PCDH15: variants seen among roughly 807,000 people sequenced by gnomAD.
PCDH15 encodes the protein protocadherin-15.
PCDH15 carries 129 observed loss-of-function variants against 178.5 expected under a neutral mutation model. The observed-to-expected ratio is 0.72, with a 90% CI of 0.63 to 0.84. The LOEUF (loss-of-function observed/expected upper bound fraction) is 0.84. Ranked by LOEUF, PCDH15 falls within the 40% of genes least tolerant of loss-of-function variation. PCDH15 has a pLI of 0.00. For synonymous variants in PCDH15, 800 were observed against 732.0 expected (o/e 1.09, Z -1.50); for missense variants, 2,230 against 2,099.9 (o/e 1.06, Z -1.21).
At chr10:54,759,607 G>A (rs1664853407) in intron 1 of PCDH15, among the ~76,000 whole-genome samples, 1 of 152,108 alleles carries the variant, frequency 6.6e-6, no homozygotes, top group South Asian at 2.1e-4. Flanking sequence ...CAGAATTGGG[G>A]CATTATTTGT....
At chr10:55,029,143 C>T (rs762193133) in intron 2 of PCDH15, among the ~76,000 whole-genome samples, 10 of 151,960 alleles carry the variant, frequency 6.6e-5, no homozygotes, top group Non-Finnish European at 1.5e-4. Context: ...GTTTCTGTAT[C>T]ATCATTCTTA....
chr10:53,815,163 C>T (rs1564519913), intron 35 of PCDH15, among the ~76,000 whole-genome samples: 1 of 152,086 alleles, frequency 6.6e-6, no homozygotes, highest in Non-Finnish European at 1.5e-5. Context: ...GTAGATCAAA[C>T]ACTTAATGTA....
At chr10:53,934,291 T>G (rs1385950568) in intron 25 of PCDH15, among the ~76,000 whole-genome samples, 1 of 152,134 alleles carries the variant, frequency 6.6e-6, no homozygotes. Context: ...CTTGCACCAC[T>G]GTAAGGTGAT....
chr10:54,146,808 G>T (rs1384192890), intron 14 of PCDH15, among the ~76,000 whole-genome samples: 2 of 149,576 alleles, frequency 1.3e-5, no homozygotes, highest in Non-Finnish European at 3.0e-5. Flanking sequence ...GTCATTTTTT[G>T]ATGTTATTAT....
chr10:55,037,592 T>C (rs537717535), intron 2 of PCDH15, among the ~76,000 whole-genome samples: 5 of 152,308 alleles, frequency 3.3e-5, no homozygotes, highest in African/African-American at 1.2e-4. Context: ...AAAATGTCTT[T>C]ACATATAGCT....
chr10:55,165,019 T>G (rs941057113), intron 2 of PCDH15, among the ~76,000 whole-genome samples: 1 of 152,118 alleles, frequency 6.6e-6, no homozygotes, highest in African/African-American at 2.4e-5. Flanking sequence ...TGAAAACATA[T>G]GAACCTATAT....
chr10:54,091,490 T>G (rs546534351), intron 15 of PCDH15, among the ~76,000 whole-genome samples: 89 of 152,312 alleles, frequency 5.8e-4, no homozygotes, highest in African/African-American at 2.1e-3. Context: ...GGCTTTGACA[T>G]GGATTACACA....
intron 9 of PCDH15, among the ~76,000 whole-genome samples, chr10:54,233,472 T>C (rs1174347356): frequency 2.0e-5 from 3 of 152,248 alleles, no homozygotes; most frequent in Admixed American, 2.0e-4. Context: ...TCTAATTGCA[T>C]TCCATTTTTG....
At chr10:54,470,922 T>C (rs1390526675) in intron 3 of PCDH15, among the ~76,000 whole-genome samples, 1 of 152,120 alleles carries the variant, frequency 6.6e-6, no homozygotes, top group Admixed American at 6.6e-5. Flanking sequence ...CCCCTTCATC[T>C]CTTTATTCAC....
rs895119320 is a variant in PCDH15 at position 55,107,291 on chromosome 10, C to A, written c.-80+59285G>T. Among the ~76,000 whole-genome samples, 17 of 152,220 alleles carry A rather than the reference C, an allele frequency of 1.1e-4. No individual in the cohort carries two copies. In the South Asian group the frequency reaches 2.3e-3, roughly 20 times the overall value. On this transcript the variant is annotated intron_variant, in intron 2 of 5. Transcript: ENST00000458638. ...ATACATTTCAAGCTGCAGTCTGCTG[C>A]TGGTTGATTACATGGCATCAATGGC...
chr10:54,712,676 G>A (rs951048528), intron 1 of PCDH15, among the ~76,000 whole-genome samples: 6 of 151,864 alleles, frequency 4.0e-5, no homozygotes, highest in South Asian at 2.1e-4. Context: ...ATATAGCCAC[G>A]GAAAATAACA....
chr10:55,480,392 A>C (rs1840154267), intron 2 of PCDH15, among the ~76,000 whole-genome samples: 1 of 151,748 alleles, frequency 6.6e-6, no homozygotes, highest in East Asian at 1.9e-4. Flanking sequence ...GACAGAGGGC[A>C]TCTTTTTGTT....
At chr10:55,594,928 A>G (rs1458813618) in intron 2 of PCDH15, among the ~76,000 whole-genome samples, 3 of 152,082 alleles carry the variant, frequency 2.0e-5, no homozygotes, top group East Asian at 3.9e-4. Flanking sequence ...TATTGACTTT[A>G]AAAGCCTTCT....
chr10:54,347,769 G>A (rs1448091380), intron 5 of PCDH15, among the ~76,000 whole-genome samples: 2 of 151,994 alleles, frequency 1.3e-5, no homozygotes, highest in African/African-American at 2.4e-5. Context: ...TTGGAATATG[G>A]AGCCCATGCT....
intron 2 of PCDH15, among the ~76,000 whole-genome samples, chr10:55,537,816 C>A (rs1027251590): frequency 1.3e-5 from 2 of 152,134 alleles, no homozygotes; most frequent in Admixed American, 1.3e-4. Flanking sequence ...ATTAAAACAA[C>A]CTTTCAGAGA....
At chr10:55,616,311 G>T (rs1053368930) in intron 2 of PCDH15, among the ~76,000 whole-genome samples, 1 of 151,834 alleles carries the variant, frequency 6.6e-6, no homozygotes, top group African/African-American at 2.4e-5. Context: ...GCATAATATT[G>T]GTAAAACAAT....
At chr10:54,975,590 G>A (rs917084397) in intron 2 of PCDH15, among the ~76,000 whole-genome samples, 2 of 152,070 alleles carry the variant, frequency 1.3e-5, no homozygotes, top group Non-Finnish European at 2.9e-5. Context: ...GGCAGAGAAG[G>A]CTTTCTAGGA....
chr10:55,449,458 G>A (rs12412627), intron 2 of PCDH15, among the ~76,000 whole-genome samples: 6,009 of 152,090 alleles, frequency 0.04, 371 homozygotes, highest in East Asian at 0.29. Flanking sequence ...CTATCCATAT[G>A]TATTGGAGTT....
intron 2 of PCDH15, among the ~76,000 whole-genome samples, chr10:55,484,105 C>T: frequency 6.6e-6 from 1 of 151,544 alleles, no homozygotes; most frequent in Admixed American, 6.6e-5. Flanking sequence ...CACATGGACA[C>T]TGAGAGGGGA....
Sources: gnomAD v4.1 joint callset for allele counts (sites outside exome capture counted in the v4.1 genomes callset) on GRCh38, gnomAD v4.1.1 for gene constraint, MANE v1.5 for transcripts, NCBI Gene and HGNC (gene_info 2026-07-23, HGNC 2026-07-21) for gene names.